ADAMTS9: variants seen among roughly 807,000 people sequenced by gnomAD.
ADAMTS9 encodes A disintegrin and metalloproteinase with thrombospondin motifs 9.
In ADAMTS9, 107 loss-of-function variants were observed where a neutral mutation model predicts 257.1. The observed-to-expected ratio is 0.42, with a 90% confidence interval of 0.36 to 0.49. ADAMTS9 has a LOEUF of 0.49. ADAMTS9 is among the 20% of genes least tolerant of loss of function. The pLI is 0.03. For synonymous variants in ADAMTS9, 982 were observed against 880.9 expected (o/e 1.11, Z -2.03); for missense variants, 2,353 against 2,469.1 (o/e 0.95, Z 1.00).
chr3:64,647,818 A>T, intron 11 of ADAMTS9, 122 bp downstream of exon 11: 1 of 774,668 alleles, frequency 1.3e-6, no homozygotes, highest in South Asian at 2.8e-5. Context: ...CCTCTAAAAA[A>T]TATTATGCAA....
At chr3:64,552,018 C>A (rs1042095867) in intron 30 of ADAMTS9, among the ~76,000 whole-genome samples, 1 of 152,186 alleles carries the variant, frequency 6.6e-6, no homozygotes, top group African/African-American at 2.4e-5. Flanking sequence ...AGAGTGCACA[C>A]AAATGGCACA....
chr3:64,648,309 T>C (rs1700847069), intron 10 of ADAMTS9, among the ~76,000 whole-genome samples: 1 of 152,180 alleles, frequency 6.6e-6, no homozygotes, highest in African/African-American at 2.4e-5. Flanking sequence ...TATGTACTCA[T>C]CCTAGGTTCC....
chr3:64,641,194 A>AT (rs1400251117), intron 12 of ADAMTS9, among the ~76,000 whole-genome samples: 1 of 150,762 alleles, frequency 6.6e-6, no homozygotes. Flanking sequence ...AAAATGTCCA[A>AT]TTTTTTTGTT....
intron 14 of ADAMTS9, among the ~76,000 whole-genome samples, chr3:64,632,507 A>G (rs772083102): frequency 2.6e-5 from 4 of 152,222 alleles, no homozygotes; most frequent in Non-Finnish European, 5.9e-5. Context: ...AAGTATGACC[A>G]TGGGCCTCCA....
Position 64,671,404 on chromosome 3 carries a change from C to A in ADAMTS9, c.679+9797G>T, listed in dbSNP as rs377633491. On this transcript the variant is annotated intron_variant, in intron 3 of 39. Transcript: ENST00000498707. ...TATGACTGTATACATTTGCCAAAAC[C>A]TGCAGAACTGTATGCTAGGAAGGGT... 2.8e-4 allele frequency among the ~76,000 whole-genome samples: 43 copies of A among 152,204 alleles called. No homozygotes were observed. The South Asian group carries it at 7.5e-3, about 26-fold the overall frequency.
chr3:64,655,536 C>G, intron 6 of ADAMTS9, 40 bp downstream of exon 6: 1 of 1,523,618 alleles, frequency 6.6e-7, no homozygotes, highest in Non-Finnish European at 9.1e-7. Context: ...ATCAACTTGA[C>G]CTGAGACTGA....
In ADAMTS9 at chr3:64,687,728, G is replaced by A. The variant is rs1701958579; in HGVS notation, c.-71C>T. 4 of 1,241,746 alleles carry A rather than the reference G, an allele frequency of 3.2e-6. No homozygotes were observed. The highest frequency in any genetic ancestry group is 4.3e-6 in the Non-Finnish European group (4 of 922,918). 76.9% of individuals were successfully genotyped at this position (1,241,746 alleles called of 1,614,324 possible). A position where few individuals can be genotyped will look rare whatever the true frequency, so the allele number is the denominator to read the frequency against. ...TGCCCTCCTTGGCTGCGGCGGCGAC[G>A]CGAGGCAGCGGCCGTGGAGAGCGCG... On this transcript the variant is annotated 5_prime_UTR_variant, in exon 1 of 40. Coordinates refer to ENST00000498707, the MANE Select transcript of ADAMTS9 (RefSeq NM_182920.2). The surrounding 1 kb of genome is among the most constrained non-coding windows in gnomAD (Gnocchi z 4.4).
chr3:64,608,258 C>CAAAAAA (rs57247914), intron 22 of ADAMTS9, among the ~76,000 whole-genome samples: 31 of 53,254 alleles, frequency 5.8e-4, no homozygotes, highest in African/African-American at 1.1e-3. Flanking sequence ...AAACTAAAAC[C>CAAAAAA]AAAAAAAAAA....
intron 28 of ADAMTS9, among the ~76,000 whole-genome samples, chr3:64,573,284 A>G (rs908255762): frequency 1.3e-5 from 2 of 152,070 alleles, no homozygotes; most frequent in African/African-American, 4.8e-5. Context: ...CCCATTCCCA[A>G]GTGGTCTGGA....
At chr3:64,565,596 C>T (rs2083524036) in intron 29 of ADAMTS9, 1 of 152,120 alleles carries the variant, frequency 6.6e-6, no homozygotes, top group Admixed American at 6.5e-5. Context: ...ATAATTTATT[C>T]TTTTTATTTT....
chr3:64,608,853 T>C lies in ADAMTS9; in HGVS notation c.3355-1774A>G, dbSNP rs77880561. On this transcript the variant is annotated intron_variant, in intron 22 of 39. Coordinates refer to ENST00000498707, the MANE Select transcript of ADAMTS9 (RefSeq NM_182920.2). ...ACACACACACCAGATTAATATTGCT[T>C]ATACAGATGTAAAAATCCTCAACAA... Among the ~76,000 whole-genome samples, 504 of 152,002 alleles carry C rather than the reference T, an allele frequency of 3.3e-3. 12 individuals carry two copies. The East Asian group carries it at 0.044, about 13-fold the overall frequency.
intron 25 of ADAMTS9, among the ~76,000 whole-genome samples, chr3:64,602,592 G>C (rs2084485587): frequency 6.6e-6 from 1 of 152,088 alleles, no homozygotes; most frequent in Non-Finnish European, 1.5e-5. Flanking sequence ...AGCTATGCTG[G>C]CCTTACTGAT....
At chr3:64,520,685 A>G (rs1432509967) in intron 39 of ADAMTS9, among the ~76,000 whole-genome samples, 1 of 152,174 alleles carries the variant, frequency 6.6e-6, no homozygotes, top group Non-Finnish European at 1.5e-5. Context: ...ATCAACAAAA[A>G]TAAACAATGG....
At chr3:64,625,311 T>C (rs1189835735) in intron 16 of ADAMTS9, among the ~76,000 whole-genome samples, 1 of 152,186 alleles carries the variant, frequency 6.6e-6, no homozygotes, top group Non-Finnish European at 1.5e-5. Context: ...TCCTAACTCA[T>C]CTTTCATTGA....
Position 64,596,884 on chromosome 3 carries a change from T to C in ADAMTS9, c.4125A>G (p.Gln1375=), listed in dbSNP as rs747920297. The change falls in exon 27 of 40, where the codon CAA becomes CAG. Residue 1375 remains glutamine (Q), a synonymous_variant. Coordinates refer to ENST00000498707, the MANE Select transcript of ADAMTS9 (RefSeq NM_182920.2). ...DCVERIKPDE[Q]RACESGPCPQ... ...GACAAGGGCCGGATTCACAGGCTCT[T>C]TGCTCATCAGGTTTTATTCTCTCCA... 1.2e-6 allele frequency: 2 copies of C among 1,614,080 alleles called. No homozygotes were observed. The highest frequency in any genetic ancestry group is 1.7e-5 in the Admixed American group (1 of 60,002).
At chr3:64,555,344 A>G (rs1207807725) in intron 30 of ADAMTS9, among the ~76,000 whole-genome samples, 3 of 152,194 alleles carry the variant, frequency 2.0e-5, no homozygotes, top group East Asian at 3.9e-4. Context: ...AGGCAGAAAT[A>G]ATACTATGGA....
chr3:64,635,894 T>C (rs1384957071), intron 12 of ADAMTS9, among the ~76,000 whole-genome samples: 3 of 152,178 alleles, frequency 2.0e-5, no homozygotes, highest in Admixed American at 2.0e-4. Context: ...AGATCAGGAC[T>C]GTATACCTGC....
At chr3:64,555,281 C>G (rs947155344) in intron 30 of ADAMTS9, among the ~76,000 whole-genome samples, 1 of 152,272 alleles carries the variant, frequency 6.6e-6, no homozygotes, top group African/African-American at 2.4e-5. Context: ...AGAATTTAGA[C>G]ATTTTTGCTC....
chr3:64,686,068 G>A lies in ADAMTS9; in HGVS notation c.516+500C>T, dbSNP rs891379024. 2.6e-5 allele frequency among the ~76,000 whole-genome samples: 4 copies of A among 152,298 alleles called. No individual in the cohort carries two copies. The East Asian group carries it at 7.8e-4, about 30-fold the overall frequency. ...GTGAATAAAGGCCCTGAGAGAAAGC[G>A]GGGACTCTAGATTACGCACCGCCCT... is the stretch of plus-strand genomic sequence containing the variant. On this transcript the variant is annotated intron_variant, in intron 2 of 39. Coordinates refer to ENST00000498707, the MANE Select transcript of ADAMTS9 (RefSeq NM_182920.2). This position sits in a 1 kb window ranked among gnomAD's most constrained non-coding sequence, Gnocchi z 4.6.
Sources: allele counts gnomAD v4.1 joint callset (sites outside exome capture counted in the v4.1 genomes callset), GRCh38; gene constraint gnomAD v4.1.1; non-coding constraint Gnocchi (gnomAD v3.1); transcripts MANE v1.5; gene names NCBI Gene and HGNC (gene_info 2026-07-23, HGNC 2026-07-21).